Variants in CCDC91 observed in about 807,000 individuals in gnomAD.
The protein encoded by CCDC91 is coiled-coil domain-containing protein 91.
In CCDC91, 48 loss-of-function variants were observed where a neutral mutation model predicts 63.2. The observed-to-expected ratio is 0.76, with a 90% CI of 0.60 to 0.97. The LOEUF (loss-of-function observed/expected upper bound fraction) is 0.97. CCDC91 is among the 50% of genes least tolerant of loss of function. The pLI is 0.00. For missense variants in CCDC91, 500 were observed against 494.6 expected, an observed-to-expected ratio of 1.01 and a Z score of -0.10; for synonymous variants, 167 against 165.8, an observed-to-expected ratio of 1.01 and a Z score of -0.06.
chr12:28,378,711 A>C (rs1367032588), intron 7 of CCDC91, among the ~76,000 whole-genome samples: 2 of 152,086 alleles, frequency 1.3e-5, no homozygotes, highest in Non-Finnish European at 2.9e-5. Flanking sequence ...AGCTTTTATC[A>C]TATGATCAGA....
intron 1 of CCDC91, among the ~76,000 whole-genome samples, chr12:28,208,867 C>G (rs1160060665): frequency 6.6e-6 from 1 of 152,126 alleles, no homozygotes; most frequent in Non-Finnish European, 1.5e-5. Flanking sequence ...GTGGCATGAT[C>G]TTGGCTCACT....
rs116038024 is a variant in CCDC91 at position 28,392,573 on chromosome 12, A to G, written c.762+1162A>G. Among the ~76,000 whole-genome samples the G allele has an allele frequency of 5.9e-3, 902 of 152,336 alleles. 9 individuals are homozygous for G. Among genetic ancestry groups the G allele is most frequent in the African/African-American group, 0.021 (876 of 41,582 alleles). ...ATCCACATGGTTCCACCCAATCACA[A>G]TGGGGCCAGAGAGTGAGAGCCTACT... is the stretch of plus-strand genomic sequence containing the variant. On this transcript the variant is annotated intron_variant, in intron 8 of 12. Transcript: ENST00000536442.
chr12:28,407,767 A>C (rs1243106511), intron 8 of CCDC91, among the ~76,000 whole-genome samples: 7 of 152,052 alleles, frequency 4.6e-5, no homozygotes, highest in Non-Finnish European at 1.0e-4. Flanking sequence ...AATTTCCCTC[A>C]GCAGTGTTCT....
chr12:28,269,607 C>A (rs574667272), intron 3 of CCDC91, among the ~76,000 whole-genome samples: 1 of 152,112 alleles, frequency 6.6e-6, no homozygotes, highest in Admixed American at 6.6e-5. Context: ...GGCTGGGACA[C>A]AGTGAATGAT....
At chr12:28,357,129 C>T (rs1943578899) in intron 6 of CCDC91, among the ~76,000 whole-genome samples, 1 of 152,112 alleles carries the variant, frequency 6.6e-6, no homozygotes, top group African/African-American at 2.4e-5. Context: ...CATCAATATA[C>T]CAGTGATGGT....
At chr12:28,526,022 T>C (rs1941226867) in intron 12 of CCDC91, among the ~76,000 whole-genome samples, 1 of 152,150 alleles carries the variant, frequency 6.6e-6, no homozygotes, top group Non-Finnish European at 1.5e-5. Flanking sequence ...AGCAGATATT[T>C]AGTTGATGAA....
At chr12:28,302,649 G>T (rs2137016733) in intron 3 of CCDC91, 1 of 984,714 alleles carries the variant, frequency 1.0e-6, no homozygotes, top group Non-Finnish European at 1.2e-6. Flanking sequence ...GGTGTGACTG[G>T]AGTGAAGTTA....
chr12:28,503,826 A>C (rs1294903482), intron 12 of CCDC91, among the ~76,000 whole-genome samples: 1 of 151,442 alleles, frequency 6.6e-6, no homozygotes, highest in African/African-American at 2.4e-5. Flanking sequence ...TCAGTAAACT[A>C]TCACAAGGAC....
chr12:28,330,134 A>G (rs1941373471), intron 6 of CCDC91, among the ~76,000 whole-genome samples: 1 of 152,188 alleles, frequency 6.6e-6, no homozygotes, highest in Non-Finnish European at 1.5e-5. Context: ...TATACCCAGT[A>G]ATGGGATAGC....
At chr12:28,387,936 A>G (rs536598486) in intron 7 of CCDC91, among the ~76,000 whole-genome samples, 2 of 152,162 alleles carry the variant, frequency 1.3e-5, no homozygotes, top group Non-Finnish European at 2.9e-5. Flanking sequence ...TGGTATTTCC[A>G]CTTTTAGTTT....
In CCDC91 at chr12:28,450,173, C is replaced by T; in HGVS notation, c.775C>T (p.Leu259Phe). Residue 259 changes from leucine to phenylalanine, a missense_variant, in exon 9 of 13, where the codon CTT becomes TTT. Leu to Phe is a conservative substitution (Grantham distance 22, BLOSUM62 0). Coordinates refer to ENST00000536442, the MANE Select transcript of CCDC91 (RefSeq NM_018318.5). ...ELLNAQHQRL[L>F]EMLDTEKELL... ...TCATTCCTTGTAGCATCAGAGGCTC[C>T]TTGAAATGCTAGATACAGAGAAGGA... is the stretch of plus-strand genomic sequence containing the variant. 1 of 1,601,498 alleles carries T rather than the reference C, an allele frequency of 6.2e-7. No homozygotes were observed. The highest frequency in any genetic ancestry group is 8.5e-7 in the Non-Finnish European group (1 of 1,173,706).
chr12:28,346,089 G>A (rs1942792065), intron 6 of CCDC91, among the ~76,000 whole-genome samples: 1 of 151,730 alleles, frequency 6.6e-6, no homozygotes, highest in South Asian at 2.1e-4. Flanking sequence ...GAGTTCTTGG[G>A]ACTTAATTGA....
intron 8 of CCDC91, among the ~76,000 whole-genome samples, chr12:28,394,711 G>GCTCTCTCTCTCTCTCTCTCTCTCTCTCT (rs151131648): frequency 0.013 from 1,786 of 136,864 alleles, 105 homozygotes; most frequent in Non-Finnish European, 0.021. Flanking sequence ...TCTGTTTCTT[G>GCTCTCTCTCTCTCTCTCTCTCTCTCTCT]CTCTCTCTCT....
At chr12:28,222,341 C>G (rs765278432) in intron 1 of CCDC91, among the ~76,000 whole-genome samples, 53 of 152,088 alleles carry the variant, frequency 3.5e-4, no homozygotes, top group Non-Finnish European at 5.9e-4. Context: ...TGTGAGTAAG[C>G]TATTGGTGAT....
At chr12:28,286,517 C>G (rs1046436408) in intron 3 of CCDC91, among the ~76,000 whole-genome samples, 1 of 152,182 alleles carries the variant, frequency 6.6e-6, no homozygotes, top group Non-Finnish European at 1.5e-5. Flanking sequence ...TAGCTCCATC[C>G]ATGTTCCTGC....
intron 8 of CCDC91, among the ~76,000 whole-genome samples, chr12:28,430,371 G>T (rs923327330): frequency 1.3e-5 from 2 of 151,936 alleles, no homozygotes; most frequent in African/African-American, 2.4e-5. Flanking sequence ...GCACATTCTT[G>T]TATGATTTCC....
At chr12:28,535,562 T>C (rs995697217) in intron 12 of CCDC91, among the ~76,000 whole-genome samples, 4 of 152,248 alleles carry the variant, frequency 2.6e-5, no homozygotes, top group South Asian at 4.1e-4. Context: ...CCAGTTGCAG[T>C]GTGCACTTGG....
chr12:28,248,496 G>A (rs1779454944), intron 1 of CCDC91, among the ~76,000 whole-genome samples: 1 of 152,184 alleles, frequency 6.6e-6, no homozygotes, highest in Admixed American at 6.5e-5. Context: ...ATAGGTAGAA[G>A]AACCTGCAAG....
At chr12:28,510,053 C>A (rs1318688169) in intron 12 of CCDC91, among the ~76,000 whole-genome samples, 1 of 151,722 alleles carries the variant, frequency 6.6e-6, no homozygotes, top group East Asian at 1.9e-4. Context: ...AGTAGAGACA[C>A]CAAGGGCTGA....
Sources: allele counts gnomAD v4.1 joint callset (sites outside exome capture counted in the v4.1 genomes callset), GRCh38; gene constraint gnomAD v4.1.1; transcripts MANE v1.5; gene names NCBI Gene and HGNC (gene_info 2026-07-23, HGNC 2026-07-21).